NRG3: variants seen among roughly 807,000 people sequenced by gnomAD.
The protein encoded by NRG3 is neuregulin 3, also known as pro-neuregulin-3, membrane-bound isoform.
Under a neutral mutation model 66.9 loss-of-function variants are expected in NRG3, and 31 were observed. The observed-to-expected ratio is 0.46, with a 90% CI of 0.35 to 0.63. The LOEUF (loss-of-function observed/expected upper bound fraction) is 0.63, where lower values mean the gene tolerates loss of function less well. NRG3 is among the 20% of genes least tolerant of loss of function. The pLI is 0.00. For synonymous variants in NRG3, 393 were observed against 359.4 expected, an observed-to-expected ratio of 1.09 and a Z score of -1.06; for missense variants, 910 against 878.9, an observed-to-expected ratio of 1.04 and a Z score of -0.45.
At chr10:82,450,269 C>A (rs73308005) in intron 2 of NRG3, among the ~76,000 whole-genome samples, 44 of 152,224 alleles carry the variant, frequency 2.9e-4, no homozygotes, top group African/African-American at 1.1e-3. Flanking sequence ...GACGGCTTCC[C>A]TGAGTTATTG....
intron 1 of NRG3, among the ~76,000 whole-genome samples, chr10:81,928,585 A>G (rs1212639070): frequency 6.6e-6 from 1 of 152,250 alleles, no homozygotes; most frequent in African/African-American, 2.4e-5. Flanking sequence ...TGAAGCAAAT[A>G]TAGGAATAAC....
chr10:82,296,809 C>A (rs1482222779), intron 1 of NRG3, among the ~76,000 whole-genome samples: 1 of 150,958 alleles, frequency 6.6e-6, no homozygotes, highest in Admixed American at 6.6e-5. Flanking sequence ...GGGATATATA[C>A]ATATATTTGT....
At chr10:82,319,484 C>T (rs1490635296) in intron 1 of NRG3, among the ~76,000 whole-genome samples, 1 of 152,212 alleles carries the variant, frequency 6.6e-6, no homozygotes, top group African/African-American at 2.4e-5. Flanking sequence ...AAGCCCTCCT[C>T]CTATCTATTG....
At chr10:82,353,465 A>G (rs2083560948) in intron 1 of NRG3, among the ~76,000 whole-genome samples, 1 of 151,910 alleles carries the variant, frequency 6.6e-6, no homozygotes, top group Non-Finnish European at 1.5e-5. Flanking sequence ...CACCACCACC[A>G]CCTCTCACTG....
At chr10:82,512,221 CTATA>C (rs1339937293) in intron 2 of NRG3, among the ~76,000 whole-genome samples, 4 of 151,170 alleles carry the variant, frequency 2.6e-5, no homozygotes, top group Admixed American at 2.0e-4. Context: ...CATATATAGA[CTATA>C]TATATAATGA....
intron 1 of NRG3, among the ~76,000 whole-genome samples, chr10:81,884,466 G>A (rs1045013405): frequency 6.6e-6 from 1 of 152,130 alleles, no homozygotes; most frequent in Middle Eastern, 3.2e-3. Flanking sequence ...TATGCAATGT[G>A]CTCTCCATAC....
At chr10:82,034,251 A>G (rs1458632124) in intron 1 of NRG3, among the ~76,000 whole-genome samples, 1 of 152,128 alleles carries the variant, frequency 6.6e-6, no homozygotes, top group Non-Finnish European at 1.5e-5. Context: ...ATGACCCATT[A>G]TTTAAAGGTT....
At chr10:82,205,386 A>T (rs1338271282) in intron 1 of NRG3, among the ~76,000 whole-genome samples, 1 of 152,138 alleles carries the variant, frequency 6.6e-6, no homozygotes, top group African/African-American at 2.4e-5. Context: ...AGTGAAAGAG[A>T]AATGTTGGAG....
At chr10:81,932,970 G>A (rs759361568) in intron 1 of NRG3, among the ~76,000 whole-genome samples, 13 of 151,956 alleles carry the variant, frequency 8.6e-5, no homozygotes, top group Non-Finnish European at 1.6e-4. Context: ...TTAGCCAGGC[G>A]TGATGGTGGG....
chr10:82,937,828 A>G (rs1184049811), intron 4 of NRG3, among the ~76,000 whole-genome samples: 1 of 152,194 alleles, frequency 6.6e-6, no homozygotes, highest in East Asian at 1.9e-4. Flanking sequence ...CTATGTACAG[A>G]GAAACCATTA....
At chr10:82,624,387 C>A (rs1017680012) in intron 2 of NRG3, among the ~76,000 whole-genome samples, 2 of 151,936 alleles carry the variant, frequency 1.3e-5, no homozygotes, top group Non-Finnish European at 2.9e-5. Flanking sequence ...CTAATTACAC[C>A]AAATTTTGCC....
chr10:82,900,115 G>A (rs982844948), intron 4 of NRG3, among the ~76,000 whole-genome samples: 2 of 152,040 alleles, frequency 1.3e-5, no homozygotes, highest in Non-Finnish European at 2.9e-5. Context: ...AGAGAGAGTG[G>A]TGTCACACTT....
chr10:82,046,510 G>T (rs2063303776), intron 1 of NRG3, among the ~76,000 whole-genome samples: 1 of 30,202 alleles, frequency 3.3e-5, no homozygotes, highest in Non-Finnish European at 1.5e-4. Context: ...CATGTCATCT[G>T]CAAACAGGGA....
chr10:82,558,197 C>T (rs1565068196), intron 2 of NRG3, among the ~76,000 whole-genome samples: 2 of 152,172 alleles, frequency 1.3e-5, no homozygotes, highest in South Asian at 2.1e-4. Context: ...AGAGGATAAG[C>T]TTGTGTTGCT....
At chr10:82,125,917 A>G (rs569300462) in intron 1 of NRG3, among the ~76,000 whole-genome samples, 12 of 152,208 alleles carry the variant, frequency 7.9e-5, no homozygotes, top group African/African-American at 2.6e-4. Flanking sequence ...TCTGTTTAGC[A>G]ATTAATCTAT....
In NRG3 at chr10:82,465,553, G is replaced by A. The variant is rs371595963; in HGVS notation, c.953+106685G>A. On this transcript the variant is annotated intron_variant, in intron 2 of 8. Transcript: ENST00000372141. ...GTACCTGGGTTACTAGAGCTGAAAA[G>A]CACTTGGCAGTCCTGGATGGGCTGT... 9.2e-5 allele frequency among the ~76,000 whole-genome samples: 14 copies of A among 152,298 alleles called. No homozygotes were observed. The East Asian group carries it at 2.1e-3, about 23-fold the overall frequency.
At chr10:82,589,978 A>C (rs531186014) in intron 2 of NRG3, among the ~76,000 whole-genome samples, 23 of 152,322 alleles carry the variant, frequency 1.5e-4, no homozygotes, top group African/African-American at 5.1e-4. Flanking sequence ...CAGTCACTGA[A>C]AAATGGTTGT....
intron 1 of NRG3, among the ~76,000 whole-genome samples, chr10:82,223,091 A>G (rs2133796336): frequency 6.6e-6 from 1 of 152,272 alleles, no homozygotes; most frequent in East Asian, 1.9e-4. Context: ...TCAGTTAGCA[A>G]TTCACTAGGA....
intron 1 of NRG3, among the ~76,000 whole-genome samples, chr10:82,344,278 T>C (rs1201473568): frequency 6.6e-6 from 1 of 151,412 alleles, no homozygotes; most frequent in Admixed American, 6.6e-5. Flanking sequence ...GTGATCTCAT[T>C]GTTCAATTCC....
Sources: allele counts gnomAD v4.1 joint callset (sites outside exome capture counted in the v4.1 genomes callset), GRCh38; gene constraint gnomAD v4.1.1; transcripts MANE v1.5; gene names NCBI Gene and HGNC (gene_info 2026-07-23, HGNC 2026-07-21).